Variants in FRYL observed in about 807,000 individuals in gnomAD.
FRYL encodes FRY like transcription coactivator.
A neutral mutation model predicts 351.2 loss-of-function variants in FRYL; 150 were observed. That is an observed-to-expected ratio of 0.43 (90% CI 0.37 to 0.49). FRYL has a LOEUF of 0.49. FRYL is among the 20% of genes least tolerant of loss of function. FRYL has a pLI of 0.00. For missense variants in FRYL, 3,036 were observed against 3,619.3 expected (o/e 0.84, Z 4.13); for synonymous variants, 1,153 against 1,257.1 (o/e 0.92, Z 1.75).
chr4:48,699,013 CAT>C (rs1315237767), intron 2 of FRYL, among the ~76,000 whole-genome samples: 17 of 152,256 alleles, frequency 1.1e-4, no homozygotes, highest in Middle Eastern at 3.4e-3. Context: ...AGATGCTTCA[CAT>C]ATGTTACTTC....
intron 33 of FRYL, among the ~76,000 whole-genome samples, chr4:48,558,520 C>T (rs1361183118): frequency 1.3e-5 from 2 of 152,162 alleles, no homozygotes; most frequent in Non-Finnish European, 2.9e-5. Flanking sequence ...TATTTCACAA[C>T]AATGTGAATA....
At chr4:48,644,409 A>G (rs1014351534) in intron 3 of FRYL, among the ~76,000 whole-genome samples, 9 of 151,922 alleles carry the variant, frequency 5.9e-5, no homozygotes, top group Non-Finnish European at 4.4e-5. Flanking sequence ...TAATCAAGAC[A>G]TATATCAGAA....
Position 48,515,207 on chromosome 4 carries a change from T to C in FRYL, c.7758A>G (p.Gln2586=). 6.2e-7 allele frequency: 1 copy of C among 1,613,142 alleles called. No individual in the cohort carries two copies. The highest frequency in any genetic ancestry group is 8.5e-7 in the Non-Finnish European group (1 of 1,179,094). The change falls in exon 56 of 64, where the codon CAA becomes CAG. Residue 2586 remains glutamine (Q), a synonymous_variant. Transcript: ENST00000358350. ...TFEDEGSYII[Q]EQQESLVCQG... is the part of the protein sequence containing the mutation. Reference sequence around the variant, plus strand: ...GACACACAAGAGATTCCTGCTGTTCTTGAATTATATAGGATCCTTCATCTT... The same window carrying C: ...GACACACAAGAGATTCCTGCTGTTCCTGAATTATATAGGATCCTTCATCTT...
At chr4:48,517,724 G>A (rs1723944601) in intron 55 of FRYL, among the ~76,000 whole-genome samples, 1 of 152,170 alleles carries the variant, frequency 6.6e-6, no homozygotes, top group Non-Finnish European at 1.5e-5. Flanking sequence ...GGGACACTCA[G>A]CTCTAAAGTT....
In FRYL at chr4:48,500,211, T is replaced by C. The variant is rs562452192; in HGVS notation, c.8602A>G (p.Met2868Val). 1 of 1,575,652 alleles carries C rather than the reference T, an allele frequency of 6.3e-7. No individual in the cohort carries two copies. Among genetic ancestry groups the C allele is most frequent in the African/African-American group, 1.4e-5 (1 of 72,434 alleles). Residue 2868 changes from methionine to valine, a missense_variant, in exon 63 of 64, where the codon ATG (methionine) becomes GTG (valine). Physicochemically the swap from Met to Val is conservative, Grantham distance 21 (BLOSUM62 1). Coordinates refer to ENST00000358350, the MANE Select transcript of FRYL (RefSeq NM_015030.2). ...TCCAGTTGGGCAAGTTCCTCTGACA[T>C]GTTGATGACCTAAAACAAATACATC... ...TIKNEAEVINMSEELAQLESI... is the reference protein window; with the variant it reads ...TIKNEAEVINVSEELAQLESI...
chr4:48,614,621 C>G (rs1440728386), intron 7 of FRYL, among the ~76,000 whole-genome samples: 2 of 137,212 alleles, frequency 1.5e-5, no homozygotes, highest in African/African-American at 5.5e-5. Context: ...TCTCGGGAGG[C>G]TGAGGCAGGA....
At chr4:48,582,418 A>AAGT in intron 20 of FRYL, 79 bp downstream of exon 20, 1 of 872,846 alleles carries the variant, frequency 1.1e-6, no homozygotes, top group Non-Finnish European at 1.9e-6. Flanking sequence ...GTGTTTGATA[A>AAGT]AGTAAATCTG....
chr4:48,553,728 C>T (rs1298360652), intron 35 of FRYL, among the ~76,000 whole-genome samples: 1 of 151,370 alleles, frequency 6.6e-6, no homozygotes, highest in African/African-American at 2.4e-5. Context: ...CAGGTAATAA[C>T]ATCCTAAGAT....
chr4:48,774,748 A>G (rs973156447), intron 1 of FRYL, among the ~76,000 whole-genome samples: 65 of 152,200 alleles, frequency 4.3e-4, no homozygotes, highest in African/African-American at 1.5e-3. Context: ...GGGTTTCACT[A>G]TGTTGGCCAG....
chr4:48,522,672 A>C (rs937403002), intron 54 of FRYL, among the ~76,000 whole-genome samples: 13 of 152,244 alleles, frequency 8.5e-5, no homozygotes, highest in Admixed American at 3.9e-4. Context: ...CACTGTGACT[A>C]GGAAAGAAGC....
chr4:48,670,815 T>C (rs566537786), intron 3 of FRYL, among the ~76,000 whole-genome samples: 44 of 152,340 alleles, frequency 2.9e-4, no homozygotes, highest in South Asian at 1.2e-3. Flanking sequence ...CCACTGTGTG[T>C]ATGTACCACA....
intron 3 of FRYL, among the ~76,000 whole-genome samples, chr4:48,676,449 TG>T (rs1763697004): frequency 1.3e-5 from 2 of 152,238 alleles, no homozygotes; most frequent in South Asian, 4.2e-4. Flanking sequence ...GCTTCATTCT[TG>T]AAGTCAGTGA....
At chr4:48,663,773 T>A (rs1467061225) in intron 3 of FRYL, among the ~76,000 whole-genome samples, 1 of 14,852 alleles carries the variant, frequency 6.7e-5, no homozygotes, top group East Asian at 2.7e-3. Flanking sequence ...AGACTCCGTC[T>A]CAAAAAAAAA....
intron 1 of FRYL, among the ~76,000 whole-genome samples, chr4:48,720,250 C>G (rs562074398): frequency 6.6e-6 from 1 of 151,980 alleles, no homozygotes; most frequent in African/African-American, 2.4e-5. Context: ...GTAATCCCAG[C>G]ACTTTGCGAG....
At chr4:48,709,329 G>A (rs1389434183) in intron 2 of FRYL, among the ~76,000 whole-genome samples, 1 of 152,150 alleles carries the variant, frequency 6.6e-6, no homozygotes, top group Non-Finnish European at 1.5e-5. Context: ...GACACGTTAA[G>A]GAAGCATAAT....
intron 1 of FRYL, among the ~76,000 whole-genome samples, chr4:48,736,878 G>GA (rs1771493171): frequency 7.9e-6 from 1 of 125,918 alleles, no homozygotes; most frequent in Non-Finnish European, 1.7e-5. Flanking sequence ...AAAGAAAAAA[G>GA]AAAAAGAAAG....
At chr4:48,689,621 G>C (rs1270569051) in intron 2 of FRYL, among the ~76,000 whole-genome samples, 2 of 152,096 alleles carry the variant, frequency 1.3e-5, no homozygotes, top group Non-Finnish European at 2.9e-5. Context: ...AGAACTATCT[G>C]CCAGTATGAG....
chr4:48,681,807 C>T (rs532722283), intron 3 of FRYL, among the ~76,000 whole-genome samples: 2 of 152,104 alleles, frequency 1.3e-5, no homozygotes, highest in African/African-American at 4.8e-5. Flanking sequence ...AGCTGAAGTA[C>T]TGAAAGTATA....
At chr4:48,690,016 C>G (rs1472289451) in intron 2 of FRYL, among the ~76,000 whole-genome samples, 2 of 151,100 alleles carry the variant, frequency 1.3e-5, no homozygotes, top group African/African-American at 2.4e-5. Flanking sequence ...CCTGCCTCAG[C>G]CTCCCGACTA....
Sources: allele counts gnomAD v4.1 joint callset (sites outside exome capture counted in the v4.1 genomes callset), GRCh38; gene constraint gnomAD v4.1.1; transcripts MANE v1.5; gene names NCBI Gene and HGNC (gene_info 2026-07-23, HGNC 2026-07-21).